ST8SIA4: variants seen among roughly 807,000 people sequenced by gnomAD.
The protein encoded by ST8SIA4 is ST8 alpha-N-acetyl-neuraminide alpha-2,8-sialyltransferase 4.
Under a neutral mutation model 33.9 loss-of-function variants are expected in ST8SIA4, and 15 were observed. The observed-to-expected ratio is 0.44, with a 90% confidence interval of 0.30 to 0.68. The LOEUF is 0.68. Ranked by LOEUF, ST8SIA4 falls within the 30% of genes least tolerant of loss-of-function variation. The probability of loss-of-function intolerance (pLI) is 0.10; values close to 1 mark genes in which losing one functional copy is unlikely to be tolerated. For missense variants in ST8SIA4, 321 were observed against 428.0 expected, an observed-to-expected ratio of 0.75 and a Z score of 2.21; for synonymous variants, 171 against 151.2, an observed-to-expected ratio of 1.13 and a Z score of -0.96.
At chr5:100,846,321 A>T (rs971482951) in intron 4 of ST8SIA4, among the ~76,000 whole-genome samples, 27 of 152,092 alleles carry the variant, frequency 1.8e-4, no homozygotes, top group South Asian at 4.1e-4. Context: ...ACTTCAGCAC[A>T]ACTTTGCCCA....
chr5:100,873,645 A>T (rs1359494958), intron 3 of ST8SIA4, among the ~76,000 whole-genome samples: 1 of 152,098 alleles, frequency 6.6e-6, no homozygotes, highest in East Asian at 1.9e-4. Flanking sequence ...TTTCTTTTCT[A>T]TGAGGAACCA....
intron 3 of ST8SIA4, among the ~76,000 whole-genome samples, chr5:100,872,902 A>G (rs114766105): frequency 0.018 from 2,749 of 151,438 alleles, 36 homozygotes; most frequent in Middle Eastern, 0.045. Flanking sequence ...AAAATCAAAC[A>G]TAGTGGGAGC....
chr5:100,824,879 G>T (rs1202494041), intron 4 of ST8SIA4, among the ~76,000 whole-genome samples: 2 of 124,732 alleles, frequency 1.6e-5, no homozygotes, highest in Non-Finnish European at 3.4e-5. Flanking sequence ...GGGCAACATA[G>T]CAAGACCCTG....
At chr5:100,842,106 A>G (rs1332569622) in intron 4 of ST8SIA4, among the ~76,000 whole-genome samples, 1 of 151,940 alleles carries the variant, frequency 6.6e-6, no homozygotes, top group Admixed American at 6.6e-5. Flanking sequence ...TACTACTTCA[A>G]TAGAATTTTT....
intron 2 of ST8SIA4, among the ~76,000 whole-genome samples, chr5:100,886,812 G>A (rs1752547490): frequency 6.6e-6 from 1 of 152,022 alleles, no homozygotes; most frequent in African/African-American, 2.4e-5. Flanking sequence ...CATTTGCACA[G>A]ATTCTTAATG....
At chr5:100,840,271 C>G (rs1338731136) in intron 4 of ST8SIA4, among the ~76,000 whole-genome samples, 6 of 151,480 alleles carry the variant, frequency 4.0e-5, no homozygotes, top group Non-Finnish European at 8.9e-5. Flanking sequence ...TAAAGAAATC[C>G]AAAGCAGAGA....
chr5:100,882,358 G>A (rs1227630953), intron 3 of ST8SIA4, among the ~76,000 whole-genome samples: 1 of 152,186 alleles, frequency 6.6e-6, no homozygotes, highest in African/African-American at 2.4e-5. Flanking sequence ...AGGGCATCTG[G>A]CAGAAGAAAT....
intron 2 of ST8SIA4, among the ~76,000 whole-genome samples, chr5:100,891,280 C>CA (rs3836756): frequency 0.077 from 11,515 of 149,900 alleles, 854 homozygotes; most frequent in African/African-American, 0.17. Flanking sequence ...ACACTGACTA[C>CA]AAAAAAAAAT....
chr5:100,810,200 T>C lies in ST8SIA4; in HGVS notation c.*1647A>G, dbSNP rs1017596647. On this transcript the variant is annotated 3_prime_UTR_variant, in exon 5 of 5. Transcript: ENST00000231461. ...GGTCAATTCTGTTATACATTAAAAA[T>C]TTTTTAATTACTTTATTAATAATTT... 6.6e-6 allele frequency: 1 copy of C among 152,214 alleles called. No homozygotes were observed. Among genetic ancestry groups the C allele is most frequent in the African/African-American group, 2.4e-5 (1 of 41,456 alleles). The allele number at this position is 152,214 out of a possible 1,614,324, so 9.4% of individuals were successfully genotyped here.
chr5:100,818,883 A>G (rs1750984027), intron 4 of ST8SIA4, among the ~76,000 whole-genome samples: 1 of 152,314 alleles, frequency 6.6e-6, no homozygotes, highest in African/African-American at 2.4e-5. Context: ...TATCAGAGAA[A>G]TAAGGCTTTG....
At chr5:100,838,690 A>C (rs1195944843) in intron 4 of ST8SIA4, among the ~76,000 whole-genome samples, 1 of 151,998 alleles carries the variant, frequency 6.6e-6, no homozygotes, top group African/African-American at 2.4e-5. Flanking sequence ...GAATGTAATT[A>C]ATTTAATCTG....
At chr5:100,894,395 C>G (rs535863888) in intron 2 of ST8SIA4, among the ~76,000 whole-genome samples, 36 of 152,164 alleles carry the variant, frequency 2.4e-4, no homozygotes, top group African/African-American at 7.7e-4. Context: ...GCTCTGTCAT[C>G]AGACTCTACT....
chr5:100,825,462 A>G (rs1219589037), intron 4 of ST8SIA4, among the ~76,000 whole-genome samples: 2 of 152,174 alleles, frequency 1.3e-5, no homozygotes. Flanking sequence ...TTTGTTATCA[A>G]ATTCTGTCTG....
chr5:100,898,780 A>G (rs1752834094), intron 1 of ST8SIA4, among the ~76,000 whole-genome samples: 1 of 152,226 alleles, frequency 6.6e-6, no homozygotes, highest in Non-Finnish European at 1.5e-5. Context: ...CTCTCATTCC[A>G]GATCAGACAT....
intron 4 of ST8SIA4, among the ~76,000 whole-genome samples, chr5:100,843,560 T>C (rs1020681661): frequency 6.6e-6 from 1 of 151,892 alleles, no homozygotes; most frequent in Non-Finnish European, 1.5e-5. Flanking sequence ...AGCTAAACAA[T>C]ATCATTGCTG....
chr5:100,888,023 G>T (rs1199170523), intron 2 of ST8SIA4, among the ~76,000 whole-genome samples: 2 of 151,814 alleles, frequency 1.3e-5, no homozygotes, highest in African/African-American at 4.8e-5. Context: ...TAAGTCCATA[G>T]ATTAAAATGA....
chr5:100,877,109 C>T (rs1800398300), intron 3 of ST8SIA4, among the ~76,000 whole-genome samples: 1 of 152,142 alleles, frequency 6.6e-6, no homozygotes, highest in East Asian at 1.9e-4. Flanking sequence ...ATTTATCTCT[C>T]CCTCTCTCTC....
chr5:100,890,267 A>G (rs970237597), intron 2 of ST8SIA4, among the ~76,000 whole-genome samples: 1 of 151,888 alleles, frequency 6.6e-6, no homozygotes, highest in East Asian at 1.9e-4. Flanking sequence ...AAGCTTTGTG[A>G]ATTTGCTAAG....
chr5:100,830,535 G>C (rs1222099428), intron 4 of ST8SIA4, among the ~76,000 whole-genome samples: 1 of 152,164 alleles, frequency 6.6e-6, no homozygotes, highest in African/African-American at 2.4e-5. Flanking sequence ...ATATGCAGCA[G>C]ATATCCGTAT....
Sources: allele counts gnomAD v4.1 joint callset (sites outside exome capture counted in the v4.1 genomes callset), GRCh38; gene constraint gnomAD v4.1.1; transcripts MANE v1.5; gene names NCBI Gene and HGNC (gene_info 2026-07-23, HGNC 2026-07-21).